The following NUBPL variants were observed in gnomAD, a reference collection of about 807,000 sequenced individuals.
NUBPL encodes the protein iron-sulfur cluster transfer protein NUBPL.
Under a neutral mutation model 45.7 loss-of-function variants are expected in NUBPL, and 31 were observed. The ratio of observed to expected loss-of-function variants is 0.68; its 90% CI spans 0.51 to 0.92. The LOEUF (loss-of-function observed/expected upper bound fraction) is 0.92. Ranked by LOEUF, NUBPL falls within the 40% of genes least tolerant of loss-of-function variation. NUBPL has a pLI of 0.00. For synonymous variants in NUBPL, 144 were observed against 140.9 expected (o/e 1.02, Z -0.15); for missense variants, 401 against 398.7 (o/e 1.01, Z -0.05).
chr14:31,764,720 T>C (rs188821670), intron 6 of NUBPL, among the ~76,000 whole-genome samples: 28 of 152,308 alleles, frequency 1.8e-4, no homozygotes, highest in South Asian at 8.3e-4. Context: ...AATGGTCTTT[T>C]AATGAGATGC....
intron 4 of NUBPL, among the ~76,000 whole-genome samples, chr14:31,660,132 C>A (rs1230102602): frequency 1.3e-5 from 2 of 152,204 alleles, no homozygotes; most frequent in African/African-American, 4.8e-5. Context: ...CTCATTTCCA[C>A]TTTTAGATAC....
rs181598556 is a variant in NUBPL, at chr14:31,702,758, C to G, written c.513+29184C>G. Among the ~76,000 whole-genome samples the G allele has an allele frequency of 6.7e-4, 102 of 152,316 alleles. 1 individual carries two copies. In the Middle Eastern group the frequency reaches 0.02, roughly 30 times the overall value. On this transcript the variant is annotated intron_variant, in intron 6 of 10. Transcript: ENST00000281081. ...GAGGTCTACTAATTCTGTTATACCCCACATTCCTGTCACTCTTGGTAAGTG... is the reference window on the plus strand; with the variant it reads ...GAGGTCTACTAATTCTGTTATACCCGACATTCCTGTCACTCTTGGTAAGTG...
At chr14:31,838,003 G>A (rs1254973069) in intron 8 of NUBPL, among the ~76,000 whole-genome samples, 1 of 151,984 alleles carries the variant, frequency 6.6e-6, no homozygotes, top group Non-Finnish European at 1.5e-5. Context: ...CTTTACTTTT[G>A]GCAAACTTTA....
At chr14:31,804,326 A>T (rs1223905718) in intron 7 of NUBPL, among the ~76,000 whole-genome samples, 1 of 152,042 alleles carries the variant, frequency 6.6e-6, no homozygotes, top group African/African-American at 2.4e-5. Flanking sequence ...TAGATGTTAC[A>T]GTATATCAGT....
chr14:31,694,989 ATGATTTAAAAAATAC>A lies in NUBPL; in HGVS notation c.513+21418_513+21432del, dbSNP rs543390989. On this transcript the variant is annotated intron_variant, in intron 6 of 10. Coordinates refer to ENST00000281081, the MANE Select transcript of NUBPL (RefSeq NM_025152.3). ...AAATATAGATATGCTAGAAGTTTTG[ATGATTTAAAAAATAC>A]TGTTGTGCAATGTTTTATTTAAGGC... is the stretch of plus-strand genomic sequence containing the variant. Among the ~76,000 whole-genome samples the A allele has an allele frequency of 2.1e-3, 322 of 152,362 alleles. 1 individual carries two copies. Among genetic ancestry groups the A allele is most frequent in the African/African-American group, 7.4e-3 (307 of 41,596 alleles).
chr14:31,636,490 G>A (rs1194905468), intron 4 of NUBPL, among the ~76,000 whole-genome samples: 1 of 151,988 alleles, frequency 6.6e-6, no homozygotes, highest in African/African-American at 2.4e-5. Flanking sequence ...GGATTGGTTT[G>A]CCAGTATTTT....
chr14:31,625,323 G>A (rs2035176178), intron 4 of NUBPL, among the ~76,000 whole-genome samples: 1 of 152,256 alleles, frequency 6.6e-6, no homozygotes, highest in South Asian at 2.1e-4. Context: ...AGACATCTGA[G>A]CACAACTTAA....
At chr14:31,734,020 G>T (rs1242100987) in intron 6 of NUBPL, among the ~76,000 whole-genome samples, 1 of 152,086 alleles carries the variant, frequency 6.6e-6, no homozygotes, top group Non-Finnish European at 1.5e-5. Flanking sequence ...TTGTTGAAGT[G>T]ATCATCTAGC....
intron 3 of NUBPL, among the ~76,000 whole-genome samples, chr14:31,592,936 C>T (rs1478455766): frequency 1.3e-5 from 2 of 152,148 alleles, no homozygotes; most frequent in Non-Finnish European, 2.9e-5. Flanking sequence ...ATGGGATTTA[C>T]ATTCTAGTAG....
At chr14:31,704,805 C>CT (rs113081903) in intron 6 of NUBPL, among the ~76,000 whole-genome samples, 225 of 152,286 alleles carry the variant, frequency 1.5e-3, no homozygotes, top group Middle Eastern at 0.014. Flanking sequence ...AGACAATAAA[C>CT]TTTAACATCC....
At position 31,566,126 on chromosome 14, in the gene NUBPL, C is replaced by T. The variant is rs139507029; in HGVS notation, c.291+1078C>T. Reference sequence around the variant, plus strand: ...CTATACTTCTAACTTATTTTCTACCCGTACTATGTAACTTCAGTTCCTAAT... The same window carrying T: ...CTATACTTCTAACTTATTTTCTACCTGTACTATGTAACTTCAGTTCCTAAT... On this transcript the variant is annotated intron_variant, in intron 3 of 10. Transcript: ENST00000281081. 5.5e-3 allele frequency among the ~76,000 whole-genome samples: 843 copies of T among 152,052 alleles called. 8 individuals carry two copies. Among genetic ancestry groups the T allele is most frequent in the Non-Finnish European group, 7.6e-3 (516 of 67,948 alleles).
intron 7 of NUBPL, among the ~76,000 whole-genome samples, chr14:31,798,529 AC>A (rs1460781397): frequency 6.6e-6 from 1 of 151,828 alleles, no homozygotes; most frequent in Admixed American, 6.6e-5. Flanking sequence ...GCGGTGGCTC[AC>A]GCCTGTAATC....
intron 6 of NUBPL, among the ~76,000 whole-genome samples, chr14:31,707,021 T>C (rs1351395969): frequency 2.6e-5 from 4 of 152,260 alleles, no homozygotes; most frequent in African/African-American, 4.8e-5. Flanking sequence ...TTCTTAACTC[T>C]GCTTCTATAA....
chr14:31,655,133 TC>T (rs2036110667), intron 4 of NUBPL, among the ~76,000 whole-genome samples: 1 of 152,168 alleles, frequency 6.6e-6, no homozygotes, highest in East Asian at 1.9e-4. Flanking sequence ...GATACTTTGA[TC>T]CCCTCCAATG....
intron 6 of NUBPL, among the ~76,000 whole-genome samples, chr14:31,688,583 GA>G (rs1379127041): frequency 6.2e-4 from 30 of 48,240 alleles, no homozygotes; most frequent in South Asian, 3.4e-3. Context: ...CCATCTCAAA[GA>G]AAAAAAAGAA....
chr14:31,735,061 T>A (rs2139986392), intron 6 of NUBPL, among the ~76,000 whole-genome samples: 1 of 152,132 alleles, frequency 6.6e-6, no homozygotes, highest in Admixed American at 6.5e-5. Flanking sequence ...AGGTGTTTAG[T>A]AGCATCTTTG....
At chr14:31,776,663 T>C (rs1430436353) in intron 6 of NUBPL, among the ~76,000 whole-genome samples, 3 of 152,162 alleles carry the variant, frequency 2.0e-5, no homozygotes, top group African/African-American at 4.8e-5. Context: ...ACCTTCAAAC[T>C]GGGGGTCCAA....
At chr14:31,594,195 A>C (rs1329328069) in intron 3 of NUBPL, among the ~76,000 whole-genome samples, 1 of 152,120 alleles carries the variant, frequency 6.6e-6, no homozygotes, top group African/African-American at 2.4e-5. Context: ...AGGCAGGAGG[A>C]TCACTTGAGC....
chr14:31,562,557 T>A (rs1240774593), intron 2 of NUBPL, among the ~76,000 whole-genome samples: 1 of 151,766 alleles, frequency 6.6e-6, no homozygotes, highest in Non-Finnish European at 1.5e-5. Context: ...TAGTGTTCAA[T>A]AATTGGTTGC....
Sources: allele counts gnomAD v4.1 joint callset (sites outside exome capture counted in the v4.1 genomes callset), GRCh38; gene constraint gnomAD v4.1.1; transcripts MANE v1.5; gene names NCBI Gene and HGNC (gene_info 2026-07-23, HGNC 2026-07-21).